WDHD1: variants seen among roughly 807,000 people sequenced by gnomAD.
WDHD1 encodes the protein WD repeat and HMG-box DNA-binding protein 1.
Under a neutral mutation model 135.4 loss-of-function variants are expected in WDHD1, and 111 were observed. The observed-to-expected ratio is 0.82, with a 90% CI of 0.70 to 0.96. The LOEUF (loss-of-function observed/expected upper bound fraction) is 0.96, where lower values mean the gene tolerates loss of function less well. WDHD1 is among the 40% of genes least tolerant of loss of function. The pLI, the probability that WDHD1 is intolerant of heterozygous loss-of-function variation, is 0.00. For missense variants in WDHD1, 1,351 were observed against 1,336.3 expected (o/e 1.01, Z -0.17); for synonymous variants, 434 against 439.0 (o/e 0.99, Z 0.14).
chr14:54,978,137 G>A (rs1251238944), intron 16 of WDHD1, among the ~76,000 whole-genome samples: 2 of 151,970 alleles, frequency 1.3e-5, no homozygotes, highest in Non-Finnish European at 2.9e-5. Context: ...TAAGCATTAG[G>A]CAGAATAGTA....
At chr14:55,022,999 C>T (rs2042375351) in intron 2 of WDHD1, among the ~76,000 whole-genome samples, 1 of 151,712 alleles carries the variant, frequency 6.6e-6, no homozygotes, top group Non-Finnish European at 1.5e-5. Flanking sequence ...TAATTTTTTG[C>T]ATTTTTAGTA....
chr14:55,025,360 G>A (rs2042418284), intron 2 of WDHD1, among the ~76,000 whole-genome samples: 1 of 151,292 alleles, frequency 6.6e-6, no homozygotes, highest in Admixed American at 6.6e-5. Context: ...AGGCTGGCGG[G>A]ATCCTCCATA....
chr14:54,990,793 C>T (rs917959140), intron 12 of WDHD1, among the ~76,000 whole-genome samples: 12 of 152,206 alleles, frequency 7.9e-5, no homozygotes, highest in Admixed American at 6.5e-4. Flanking sequence ...AAGGGTCAGA[C>T]TTTTCCCCCC....
chr14:54,965,448 T>G (rs181368533), intron 18 of WDHD1, among the ~76,000 whole-genome samples: 1 of 152,164 alleles, frequency 6.6e-6, no homozygotes, highest in African/African-American at 2.4e-5. Context: ...GGCAGGCATA[T>G]CTAACAGCCC....
At chr14:55,019,735 G>A (rs573341789) in intron 2 of WDHD1, among the ~76,000 whole-genome samples, 2 of 152,224 alleles carry the variant, frequency 1.3e-5, no homozygotes, top group East Asian at 3.9e-4. Flanking sequence ...CAGCTGTTGC[G>A]GAGGGCATCT....
chr14:54,984,201 A>C (rs900185740), intron 15 of WDHD1, among the ~76,000 whole-genome samples: 3 of 152,218 alleles, frequency 2.0e-5, no homozygotes, highest in Non-Finnish European at 4.4e-5. Context: ...AATTCTCATG[A>C]AGAGAGCTCT....
intron 21 of WDHD1, 95 bp from the exon 22 acceptor site, chr14:54,957,730 A>G (rs1053548552): frequency 9.8e-7 from 1 of 1,017,944 alleles, no homozygotes; most frequent in African/African-American, 1.6e-5. Flanking sequence ...TCCCCATTAA[A>G]TGAAAACAAA....
chr14:54,970,284 G>C (rs2041409880), intron 16 of WDHD1, among the ~76,000 whole-genome samples: 1 of 151,802 alleles, frequency 6.6e-6, no homozygotes, highest in African/African-American at 2.4e-5. Flanking sequence ...ATTGCTAAAG[G>C]GCTCCTAGAT....
intron 18 of WDHD1, among the ~76,000 whole-genome samples, chr14:54,964,366 C>A (rs539951606): frequency 1.1e-3 from 172 of 151,706 alleles, no homozygotes; most frequent in African/African-American, 3.9e-3. Context: ...GGAAGCCGGG[C>A]GCAGTGGCTC....
At chr14:55,011,524 CAA>C (rs60615259) in intron 3 of WDHD1, among the ~76,000 whole-genome samples, 619 of 50,946 alleles carry the variant, frequency 0.012, 3 homozygotes, top group African/African-American at 0.047. Flanking sequence ...AACTCTGTCT[CAA>C]AAAAAAAAAA....
chr14:54,945,086 T>C (rs541355413), intron 24 of WDHD1, among the ~76,000 whole-genome samples: 2 of 152,338 alleles, frequency 1.3e-5, no homozygotes, highest in African/African-American at 4.8e-5. Context: ...CACTTAGCCC[T>C]TGTGGCCTAC....
At position 55,027,056 on chromosome 14, in the gene WDHD1, A is replaced by C. The variant is rs1041325953; in HGVS notation, c.-45T>G. On this transcript the variant is annotated 5_prime_UTR_variant, in exon 1 of 26. Transcript: ENST00000360586. ...GGTGACCGAGCCTCCGCCACTGAGG[A>C]TCCACAAGAGCTGCTTCCCGCGCTT... The C allele has an allele frequency of 2.2e-6, 1 of 463,204 alleles. No homozygotes were observed. The highest frequency in any genetic ancestry group is 2.0e-5 in the African/African-American group (1 of 51,140). 28.7% of individuals were successfully genotyped at this position (463,204 alleles called of 1,614,324 possible). A position where few individuals can be genotyped will look rare whatever the true frequency, so the allele number is the denominator to read the frequency against.
At chr14:54,957,250 A>T in intron 22 of WDHD1, 46 bp from the exon 23 acceptor site, 1 of 1,543,606 alleles carries the variant, frequency 6.5e-7, no homozygotes, top group Non-Finnish European at 8.7e-7. Flanking sequence ...AAGAAGAAAA[A>T]TAAAATCCCA....
At chr14:54,984,017 T>C (rs1056839018) in intron 15 of WDHD1, among the ~76,000 whole-genome samples, 2 of 152,336 alleles carry the variant, frequency 1.3e-5, no homozygotes, top group Non-Finnish European at 1.5e-5. Context: ...ATATTTCAAG[T>C]GCTCAACAGA....
rs11365009 is a variant in WDHD1 at position 54,977,912 on chromosome 14, GAAAA to G, written c.2063+3624_2063+3627del. On this transcript the variant is annotated intron_variant, in intron 16 of 25. Transcript: ENST00000360586. ...AAAATGTGTTCCAAAGGGTTGTGTG[GAAAA>G]AAAAAAAAAGCATGTTAAGAAAAAA... Among the ~76,000 whole-genome samples the G allele has an allele frequency of 5.7e-5, 8 of 141,366 alleles. No individual in the cohort carries two copies. The East Asian group carries it at 1.6e-3, about 28-fold the overall frequency. The allele number at this position is 141,366 out of a possible 152,430, so 92.7% of individuals were successfully genotyped here.
At chr14:55,007,463 A>C in intron 6 of WDHD1, 88 bp from the exon 7 acceptor site, 1 of 954,148 alleles carries the variant, frequency 1.0e-6, no homozygotes, top group Non-Finnish European at 1.5e-6. Flanking sequence ...AGGTTCTTCA[A>C]ATCAATATAT....
chr14:54,987,622 C>G, intron 13 of WDHD1, among the ~76,000 whole-genome samples: 1 of 151,910 alleles, frequency 6.6e-6, no homozygotes, highest in Non-Finnish European at 1.5e-5. Context: ...TTATTAAATA[C>G]AAATTCTTTT....
intron 11 of WDHD1, 113 bp from the exon 12 acceptor site, chr14:54,991,513 C>T (rs2041789534): frequency 2.0e-5 from 20 of 1,001,826 alleles, no homozygotes; most frequent in Non-Finnish European, 2.8e-5. Flanking sequence ...CACTGACATG[C>T]TATTTGCCTC....
intron 10 of WDHD1, among the ~76,000 whole-genome samples, chr14:54,997,291 T>G (rs1433263295): frequency 6.6e-6 from 1 of 151,948 alleles, no homozygotes; most frequent in Admixed American, 6.6e-5. Flanking sequence ...AGACGGGGTT[T>G]CCCCATGTTG....
Sources: allele counts gnomAD v4.1 joint callset (sites outside exome capture counted in the v4.1 genomes callset), GRCh38; gene constraint gnomAD v4.1.1; transcripts MANE v1.5; gene names NCBI Gene and HGNC (gene_info 2026-07-23, HGNC 2026-07-21).